Variants in KIRREL3 observed in about 807,000 individuals in gnomAD.
KIRREL3 encodes kin of IRRE-like protein 3.
In KIRREL3, 36 loss-of-function variants were observed where a neutral mutation model predicts 89.7. The ratio of observed to expected loss-of-function variants is 0.40; its 90% confidence interval spans 0.31 to 0.53. The LOEUF is 0.53. KIRREL3 is among the 20% of genes least tolerant of loss of function. KIRREL3 has a pLI of 0.49. For missense variants in KIRREL3, 864 were observed against 1,056.6 expected (o/e 0.82, Z 2.53); for synonymous variants, 445 against 441.4 (o/e 1.01, Z -0.10).
intron 6 of KIRREL3, among the ~76,000 whole-genome samples, chr11:126,457,311 CTG>C (rs777214651): frequency 4.9e-5 from 7 of 141,544 alleles, no homozygotes; most frequent in Admixed American, 1.4e-4. Flanking sequence ...GTGTATGTCT[CTG>C]TGTGTATGCA....
intron 1 of KIRREL3, among the ~76,000 whole-genome samples, chr11:126,756,241 C>T (rs1158211837): frequency 2.0e-5 from 3 of 152,192 alleles, no homozygotes; most frequent in Non-Finnish European, 4.4e-5. Flanking sequence ...TTCCAGCAGA[C>T]GACTCCACCC....
intron 1 of KIRREL3, among the ~76,000 whole-genome samples, chr11:126,980,697 A>T (rs1160235208): frequency 4.6e-5 from 7 of 152,312 alleles, no homozygotes; most frequent in African/African-American, 1.4e-4. Context: ...GATGAGAAAG[A>T]GGCTGGTGAC....
At chr11:126,988,665 C>T (rs1055109814) in intron 1 of KIRREL3, 1 of 152,680 alleles carries the variant, frequency 6.5e-6, no homozygotes, top group South Asian at 2.1e-4. Flanking sequence ...AGTCGAATGA[C>T]CTTCAGGCAA....
At chr11:126,437,496 A>G (rs897396483) in intron 11 of KIRREL3, among the ~76,000 whole-genome samples, 5 of 148,718 alleles carry the variant, frequency 3.4e-5, no homozygotes, top group Non-Finnish European at 7.4e-5. Context: ...TACATGTACC[A>G]CAACACACAT....
Position 127,000,265 on chromosome 11 carries a change from G to A in KIRREL3, c.55+190C>T, listed in dbSNP as rs939414005. On this transcript the variant is annotated intron_variant, in intron 1 of 16. Coordinates refer to ENST00000525144, the MANE Select transcript of KIRREL3 (RefSeq NM_032531.4). This position sits in a 1 kb window ranked among gnomAD's most constrained non-coding sequence, Gnocchi z 7.1. ...CCTCCCATACCCCTTCTTTCCAAAG[G>A]AAAATAAACAGTACCATTTTGTTGC... Among the ~76,000 whole-genome samples, 1 of 152,154 alleles carries A rather than the reference G, an allele frequency of 6.6e-6. No homozygotes were observed. Among genetic ancestry groups the A allele is most frequent in the African/African-American group, 2.4e-5 (1 of 41,428 alleles).
chr11:126,977,299 G>A lies in KIRREL3; in HGVS notation c.55+23156C>T, dbSNP rs1447777537. 6.6e-6 allele frequency among the ~76,000 whole-genome samples: 1 copy of A among 151,952 alleles called. No individual in the cohort carries two copies. The highest frequency in any genetic ancestry group is 1.9e-4 in the East Asian group (1 of 5,192). ...CAGGTTGGTTTCTTCGGATGCTGCC[G>A]CCCTTTCCTTCTTCATCAGGATCAT... On this transcript the variant is annotated intron_variant, in intron 1 of 16. Transcript: ENST00000525144. The surrounding 1 kb of genome is among the most constrained non-coding windows in gnomAD (Gnocchi z 4.7).
intron 1 of KIRREL3, among the ~76,000 whole-genome samples, chr11:126,762,129 C>T (rs1050120757): frequency 6.6e-6 from 1 of 151,940 alleles, no homozygotes; most frequent in Non-Finnish European, 1.5e-5. Context: ...GAGCTGAGGT[C>T]ACAACATTGC....
intron 1 of KIRREL3, among the ~76,000 whole-genome samples, chr11:126,846,527 C>T (rs1944148561): frequency 6.6e-6 from 1 of 152,126 alleles, no homozygotes; most frequent in Non-Finnish European, 1.5e-5. Flanking sequence ...AAAATAAAGA[C>T]ATTTGGTCTT....
Position 126,768,915 on chromosome 11 carries a change from G to A in KIRREL3, c.56-206003C>T, listed in dbSNP as rs990650189. ...GTTGCTTCCCACATGCGTGGGAGCC[G>A]GTGAAGTGTTGTAAGCAGAGAAGTA... On this transcript the variant is annotated intron_variant, in intron 1 of 16. Coordinates refer to ENST00000525144, the MANE Select transcript of KIRREL3 (RefSeq NM_032531.4). The surrounding 1 kb of genome is among the most constrained non-coding windows in gnomAD (Gnocchi z 4.5). Among the ~76,000 whole-genome samples the A allele has an allele frequency of 1.3e-5, 2 of 152,184 alleles. No homozygotes were observed. The highest frequency in any genetic ancestry group is 1.3e-4 in the Admixed American group (2 of 15,282).
rs1944548537 is a variant in KIRREL3 at position 126,643,445 on chromosome 11, A to G, written c.56-80533T>C. Among the ~76,000 whole-genome samples the G allele has an allele frequency of 6.6e-6, 1 of 152,210 alleles. No individual in the cohort carries two copies. Among genetic ancestry groups the G allele is most frequent in the Admixed American group, 6.5e-5 (1 of 15,278 alleles). The stretch of plus-strand genomic sequence containing the variant: ...AACACATGCAGATGGAAGCTATTTC[A>G]GACAGAGGGAAAAAACATGAGTATT... On this transcript the variant is annotated intron_variant, in intron 1 of 16. Transcript: ENST00000525144. This position sits in a 1 kb window ranked among gnomAD's most constrained non-coding sequence, Gnocchi z 4.5.
intron 1 of KIRREL3, among the ~76,000 whole-genome samples, chr11:126,730,433 G>T (rs995592305): frequency 2.0e-5 from 3 of 152,198 alleles, no homozygotes; most frequent in Admixed American, 6.5e-5. Flanking sequence ...GACTCCTACA[G>T]GTATCTTCAA....
rs12801097 is a variant in KIRREL3 at position 126,454,110 on chromosome 11, C to G, written c.848+2239G>C. On this transcript the variant is annotated intron_variant, in intron 7 of 16. Transcript: ENST00000525144. This position sits in a 1 kb window ranked among gnomAD's most constrained non-coding sequence, Gnocchi z 5.8. ...CCCTCCCATCGCCCGGATTCACCAG[C>G]TGTTAACATTTTCTCACGCGTGCTT... Among the ~76,000 whole-genome samples, 4 of 152,012 alleles carry G rather than the reference C, an allele frequency of 2.6e-5. No individual in the cohort carries two copies. The highest frequency in any genetic ancestry group is 5.9e-5 in the Non-Finnish European group (4 of 67,990).
chr11:126,437,490 T>C (rs566684311), intron 11 of KIRREL3, among the ~76,000 whole-genome samples: 2 of 151,986 alleles, frequency 1.3e-5, no homozygotes, highest in South Asian at 4.2e-4. Context: ...TGCAAGTACA[T>C]GTACCACAAC....
chr11:126,856,529 A>C, intron 1 of KIRREL3, among the ~76,000 whole-genome samples: 1 of 149,152 alleles, frequency 6.7e-6, no homozygotes, highest in South Asian at 2.1e-4. Context: ...TAGCATATTG[A>C]GTATTTTCTG....
Position 126,918,923 on chromosome 11 carries a change from T to G in KIRREL3, c.55+81532A>C, listed in dbSNP as rs1370100875. 6.6e-6 allele frequency among the ~76,000 whole-genome samples: 1 copy of G among 151,950 alleles called. No homozygotes were observed. Among genetic ancestry groups the G allele is most frequent in the East Asian group, 1.9e-4 (1 of 5,192 alleles). ...ATTGCATAGACCCAAGGAAATATGATTTTATAACGTCATATGTTATAACAT... is the reference window on the plus strand; with the variant it reads ...ATTGCATAGACCCAAGGAAATATGAGTTTATAACGTCATATGTTATAACAT... On this transcript the variant is annotated intron_variant, in intron 1 of 16. Coordinates refer to ENST00000525144, the MANE Select transcript of KIRREL3 (RefSeq NM_032531.4). This position sits in a 1 kb window ranked among gnomAD's most constrained non-coding sequence, Gnocchi z 6.5.
chr11:126,599,635 G>A (rs138720903), intron 1 of KIRREL3, among the ~76,000 whole-genome samples: 3 of 152,178 alleles, frequency 2.0e-5, no homozygotes, highest in Non-Finnish European at 2.9e-5. Flanking sequence ...CAAGATACCG[G>A]GTATCCCCAC....
chr11:126,755,301 A>G lies in KIRREL3; in HGVS notation c.56-192389T>C, dbSNP rs982955585. 1.3e-5 allele frequency among the ~76,000 whole-genome samples: 2 copies of G among 152,176 alleles called. No individual in the cohort carries two copies. Among genetic ancestry groups the G allele is most frequent in the African/African-American group, 4.8e-5 (2 of 41,442 alleles). ...AGACAGTTCCCTCTTGATCCCTTGC[A>G]CCAGGCTGGGTGGAGAAGTTCATTA... On this transcript the variant is annotated intron_variant, in intron 1 of 16. Transcript: ENST00000525144. The surrounding 1 kb of genome is among the most constrained non-coding windows in gnomAD (Gnocchi z 4.3).
chr11:126,497,554 C>T (rs1057376709), intron 4 of KIRREL3, among the ~76,000 whole-genome samples: 2 of 147,092 alleles, frequency 1.4e-5, no homozygotes, highest in Non-Finnish European at 2.9e-5. Context: ...CTCTTCAGCT[C>T]AGATTCTAGT....
rs1315697430 is a variant in KIRREL3 at position 126,669,995 on chromosome 11, CT to C, written c.56-107084del. On this transcript the variant is annotated intron_variant, in intron 1 of 16. Transcript: ENST00000525144. The surrounding 1 kb of genome is among the most constrained non-coding windows in gnomAD (Gnocchi z 5.0). ...GCTCAAGCTCATGCCTCAGTCTCCC[CT>C]GACTCTTCCCATTCCTTCTCCCAGC... Among the ~76,000 whole-genome samples, 1 of 152,208 alleles carries C rather than the reference CT, an allele frequency of 6.6e-6. No individual in the cohort carries two copies. Among genetic ancestry groups the C allele is most frequent in the East Asian group, 1.9e-4 (1 of 5,198 alleles).
Sources: allele counts gnomAD v4.1 joint callset (sites outside exome capture counted in the v4.1 genomes callset), GRCh38; gene constraint gnomAD v4.1.1; non-coding constraint Gnocchi (gnomAD v3.1); transcripts MANE v1.5; gene names NCBI Gene and HGNC (gene_info 2026-07-23, HGNC 2026-07-21).